KCNQ3: variants seen among roughly 807,000 people sequenced by gnomAD.
The protein encoded by KCNQ3 is potassium voltage-gated channel subfamily KQT member 3.
A neutral mutation model predicts 92.5 loss-of-function variants in KCNQ3; 30 were observed. The observed-to-expected ratio is 0.32, with a 90% confidence interval of 0.24 to 0.44. The LOEUF (loss-of-function observed/expected upper bound fraction) is 0.44. Ranked by LOEUF, KCNQ3 falls within the 20% of genes least tolerant of loss-of-function variation. The pLI is 1.00. For synonymous variants in KCNQ3, 450 were observed against 468.8 expected, an observed-to-expected ratio of 0.96 and a Z score of 0.52; for missense variants, 913 against 1,140.3, an observed-to-expected ratio of 0.80 and a Z score of 2.87.
At chr8:132,384,409 C>T (rs1819838691) in intron 1 of KCNQ3, among the ~76,000 whole-genome samples, 1 of 152,128 alleles carries the variant, frequency 6.6e-6, no homozygotes, top group Admixed American at 6.6e-5. Flanking sequence ...TTTCAAATTC[C>T]AGGACGGAGA....
At chr8:132,208,697 T>C (rs1407396265) in intron 1 of KCNQ3, among the ~76,000 whole-genome samples, 1 of 152,204 alleles carries the variant, frequency 6.6e-6, no homozygotes, top group Non-Finnish European at 1.5e-5. Context: ...CTAGGTTGAC[T>C]CTGAGCCTCA....
chr8:132,162,641 G>T (rs907648965), intron 9 of KCNQ3, among the ~76,000 whole-genome samples: 5 of 152,172 alleles, frequency 3.3e-5, no homozygotes, highest in African/African-American at 9.7e-5. Context: ...GAACCACGTG[G>T]TTCATTTGAA....
chr8:132,196,504 T>C (rs1251259880), intron 1 of KCNQ3, among the ~76,000 whole-genome samples: 1 of 152,236 alleles, frequency 6.6e-6, no homozygotes, highest in Non-Finnish European at 1.5e-5. Context: ...CACTGTGTTC[T>C]CTTGTAAGCC....
intron 1 of KCNQ3, among the ~76,000 whole-genome samples, chr8:132,412,207 A>T (rs1013994087): frequency 1.3e-5 from 2 of 152,172 alleles, no homozygotes; most frequent in African/African-American, 4.8e-5. Flanking sequence ...TGCTTCTCCA[A>T]CATGAAAGAG....
chr8:132,434,032 C>A (rs1357202189), intron 1 of KCNQ3, among the ~76,000 whole-genome samples: 1 of 151,872 alleles, frequency 6.6e-6, no homozygotes, highest in African/African-American at 2.4e-5. Flanking sequence ...AACGGTGAAA[C>A]CCCGTCTCTA....
At chr8:132,399,435 T>A (rs1820278389) in intron 1 of KCNQ3, among the ~76,000 whole-genome samples, 1 of 152,184 alleles carries the variant, frequency 6.6e-6, no homozygotes. Context: ...TACTTCCTCT[T>A]ATCCCATCCC....
At chr8:132,133,098 T>C (rs971372576) in intron 13 of KCNQ3, among the ~76,000 whole-genome samples, 1 of 152,156 alleles carries the variant, frequency 6.6e-6, no homozygotes, top group African/African-American at 2.4e-5. Context: ...TTAAAACATG[T>C]AAGCCATCTC....
intron 1 of KCNQ3, among the ~76,000 whole-genome samples, chr8:132,449,011 A>G (rs1048622100): frequency 1.3e-5 from 2 of 152,160 alleles, no homozygotes; most frequent in African/African-American, 4.8e-5. Context: ...GCTTCGGTGT[A>G]GACTATTCTG....
At chr8:132,277,725 T>C (rs1407546975) in intron 1 of KCNQ3, among the ~76,000 whole-genome samples, 1 of 152,190 alleles carries the variant, frequency 6.6e-6, no homozygotes, top group Non-Finnish European at 1.5e-5. Flanking sequence ...AAGTCCCTGC[T>C]GGCAGTCCCC....
chr8:132,448,502 G>GAAAAA lies in KCNQ3; in HGVS notation c.386+31640_386+31644dup. Among the ~76,000 whole-genome samples, 11 of 93,872 alleles carry GAAAAA rather than the reference G, an allele frequency of 1.2e-4. 1 individual carries two copies. The highest frequency in any genetic ancestry group is 8.0e-4 in the South Asian group (2 of 2,514). The allele number at this position is 93,872 out of a possible 152,430, so 61.6% of individuals were successfully genotyped here. ...TCTAAGGGGGAAGAAGGAGAAATAT[G>GAAAAA]AAAAAAAAAAAAAAAAAAAAAGAGG... On this transcript the variant is annotated intron_variant, in intron 1 of 14. Coordinates refer to ENST00000388996, the MANE Select transcript of KCNQ3 (RefSeq NM_004519.4).
rs1465051738 is a variant in KCNQ3 at position 132,124,677 on chromosome 8, T to C, written c.*4585A>G. ...TGGTTTAATATCAGCAACAATAGCA[T>C]TGGGTTGATTTGAATATAAACAACT... is the stretch of plus-strand genomic sequence containing the variant. On this transcript the variant is annotated 3_prime_UTR_variant, in exon 15 of 15. Coordinates refer to ENST00000388996, the MANE Select transcript of KCNQ3 (RefSeq NM_004519.4). The C allele has an allele frequency of 1.3e-5, 2 of 152,214 alleles. No individual in the cohort carries two copies. Among genetic ancestry groups the C allele is most frequent in the South Asian group, 2.1e-4 (1 of 4,836 alleles). The allele number at this position is 152,214 out of a possible 1,614,324, so 9.4% of individuals were successfully genotyped here. A position where few individuals can be genotyped will look rare whatever the true frequency, so the allele number is the denominator to read the frequency against.
chr8:132,328,472 T>C (rs980305468), intron 1 of KCNQ3, among the ~76,000 whole-genome samples: 2 of 152,124 alleles, frequency 1.3e-5, no homozygotes, highest in African/African-American at 4.8e-5. Flanking sequence ...TCCCCTGAGT[T>C]CCACCTGACA....
intron 1 of KCNQ3, among the ~76,000 whole-genome samples, chr8:132,289,786 T>C (rs1219286422): frequency 2.0e-5 from 3 of 152,196 alleles, no homozygotes; most frequent in Non-Finnish European, 4.4e-5. Context: ...AGATAAGTAG[T>C]GCATTTATAT....
intron 1 of KCNQ3, among the ~76,000 whole-genome samples, chr8:132,367,518 A>G (rs1819356601): frequency 6.6e-6 from 1 of 152,244 alleles, no homozygotes; most frequent in South Asian, 2.1e-4. Context: ...TAATACTAGT[A>G]CTGTTGTAAT....
intron 1 of KCNQ3, among the ~76,000 whole-genome samples, chr8:132,450,264 G>C (rs955357532): frequency 6.6e-6 from 1 of 152,076 alleles, no homozygotes; most frequent in Admixed American, 6.5e-5. Flanking sequence ...ATTTTACAGA[G>C]TGTTGATTGG....
At chr8:132,467,128 A>C (rs987881168) in intron 1 of KCNQ3, among the ~76,000 whole-genome samples, 5 of 152,162 alleles carry the variant, frequency 3.3e-5, no homozygotes, top group Admixed American at 2.0e-4. Context: ...AACTGTGGCC[A>C]CTAGAAGTCA....
chr8:132,391,365 T>G (rs565897225), intron 1 of KCNQ3, among the ~76,000 whole-genome samples: 3 of 152,104 alleles, frequency 2.0e-5, no homozygotes, highest in Admixed American at 6.5e-5. Flanking sequence ...ATGGAGAGGA[T>G]GACAAAGACA....
At chr8:132,311,133 T>C (rs1356858797) in intron 1 of KCNQ3, among the ~76,000 whole-genome samples, 1 of 152,134 alleles carries the variant, frequency 6.6e-6, no homozygotes, top group Non-Finnish European at 1.5e-5. Flanking sequence ...TTTTACCACG[T>C]TGGCCAGGAT....
intron 1 of KCNQ3, among the ~76,000 whole-genome samples, chr8:132,444,022 C>T (rs911406691): frequency 6.6e-5 from 10 of 152,044 alleles, no homozygotes; most frequent in Admixed American, 4.6e-4. Context: ...CAAGAGGTAC[C>T]GAGAGGTTCA....
Sources: allele counts gnomAD v4.1 joint callset (sites outside exome capture counted in the v4.1 genomes callset), GRCh38; gene constraint gnomAD v4.1.1; transcripts MANE v1.5; gene names NCBI Gene and HGNC (gene_info 2026-07-23, HGNC 2026-07-21).